The following LHFPL3 variants were observed in gnomAD, a reference collection of about 807,000 sequenced individuals.
LHFPL3 encodes the protein LHFPL tetraspan subfamily member 3 protein.
LHFPL3 carries 5 observed loss-of-function variants against 19.3 expected under a neutral mutation model. The ratio of observed to expected loss-of-function variants is 0.26; its 90% confidence interval spans 0.14 to 0.54. LHFPL3 has a LOEUF of 0.54. Among genes scored for constraint, LHFPL3 ranks in the 20% least tolerant of loss-of-function variants. The pLI, the probability that LHFPL3 is intolerant of heterozygous loss-of-function variation, is 0.94. For synonymous variants in LHFPL3, 133 were observed against 126.2 expected (o/e 1.05, Z -0.36); for missense variants, 249 against 307.4 (o/e 0.81, Z 1.42).
intron 1 of LHFPL3, among the ~76,000 whole-genome samples, chr7:104,358,038 C>T (rs946054473): frequency 1.3e-5 from 2 of 152,172 alleles, no homozygotes; most frequent in African/African-American, 4.8e-5. Context: ...AGGCAATTTA[C>T]AGCAATGGCG....
chr7:104,904,870 T>A (rs1792565761), intron 2 of LHFPL3, among the ~76,000 whole-genome samples: 1 of 152,106 alleles, frequency 6.6e-6, no homozygotes, highest in Admixed American at 6.6e-5. Context: ...CTGTTTGAGG[T>A]CTAGCTGTAT....
intron 1 of LHFPL3, among the ~76,000 whole-genome samples, chr7:104,331,675 C>T (rs560219941): frequency 2.0e-5 from 3 of 152,180 alleles, no homozygotes; most frequent in South Asian, 2.1e-4. Context: ...CTAGGCCGGG[C>T]GCAGTGGCTC....
At chr7:104,484,286 C>T (rs1793195883) in intron 1 of LHFPL3, among the ~76,000 whole-genome samples, 1 of 152,072 alleles carries the variant, frequency 6.6e-6, no homozygotes, top group South Asian at 2.1e-4. Flanking sequence ...GTGACATACT[C>T]AACCCATCAG....
At chr7:104,658,813 C>A (rs1296833897) in intron 1 of LHFPL3, among the ~76,000 whole-genome samples, 1 of 152,126 alleles carries the variant, frequency 6.6e-6, no homozygotes, top group South Asian at 2.1e-4. Flanking sequence ...AAAAACAAGT[C>A]ATCTCCTTGG....
chr7:104,898,870 A>C (rs1463560250), intron 2 of LHFPL3, among the ~76,000 whole-genome samples: 1 of 152,092 alleles, frequency 6.6e-6, no homozygotes, highest in Non-Finnish European at 1.5e-5. Context: ...TAATCTCAGC[A>C]CTTCGGGAGG....
At chr7:104,347,065 A>C (rs1790083614) in intron 1 of LHFPL3, among the ~76,000 whole-genome samples, 1 of 151,722 alleles carries the variant, frequency 6.6e-6, no homozygotes, top group Non-Finnish European at 1.5e-5. Flanking sequence ...ATGAGGATTA[A>C]AAATAGTACC....
chr7:104,397,569 G>A (rs995609983), intron 1 of LHFPL3, among the ~76,000 whole-genome samples: 2 of 152,018 alleles, frequency 1.3e-5, no homozygotes, highest in African/African-American at 2.4e-5. Flanking sequence ...TTTCCCCCGG[G>A]GGACGGCACT....
At chr7:104,371,369 G>A (rs1403821399) in intron 1 of LHFPL3, among the ~76,000 whole-genome samples, 1 of 152,110 alleles carries the variant, frequency 6.6e-6, no homozygotes, top group East Asian at 1.9e-4. Flanking sequence ...TGTTACTTAT[G>A]TTTCTCCTCT....
chr7:104,878,901 A>G (rs1791996312), intron 2 of LHFPL3, among the ~76,000 whole-genome samples: 1 of 152,200 alleles, frequency 6.6e-6, no homozygotes, highest in Admixed American at 6.5e-5. Flanking sequence ...ATCTATCTAG[A>G]CAACTAAAAC....
intron 2 of LHFPL3, among the ~76,000 whole-genome samples, chr7:104,861,293 T>C (rs1382061294): frequency 6.6e-6 from 1 of 152,196 alleles, no homozygotes; most frequent in African/African-American, 2.4e-5. Context: ...GGCTTAGCTC[T>C]TTGGCTTACA....
At chr7:104,758,139 T>C (rs2116363221) in intron 2 of LHFPL3, among the ~76,000 whole-genome samples, 1 of 152,176 alleles carries the variant, frequency 6.6e-6, no homozygotes, top group African/African-American at 2.4e-5. Context: ...CACTTGCAAA[T>C]GAGAGGTATA....
intron 1 of LHFPL3, among the ~76,000 whole-genome samples, chr7:104,365,797 A>AAAGAAAAAAAAG (rs1554381867): frequency 7.9e-6 from 1 of 125,968 alleles, no homozygotes; most frequent in Admixed American, 9.4e-5. Context: ...CAAAAAAAAA[A>AAAGAAAAAAAAG]AAAAAAAAGA....
intron 1 of LHFPL3, among the ~76,000 whole-genome samples, chr7:104,449,002 T>C (rs542400452): frequency 2.0e-5 from 3 of 152,300 alleles, no homozygotes; most frequent in African/African-American, 7.2e-5. Flanking sequence ...GCCTTTCAGA[T>C]TAAAATTAAG....
Position 104,820,876 on chromosome 7 carries a change from C to T in LHFPL3, c.682+83965C>T, listed in dbSNP as rs1584553473. Reference sequence around the variant, plus strand: ...CAACAAACGCCAACACAGTTAACGCCTCATCCAGTTTGTCCTGACATCAAT... The same window carrying T: ...CAACAAACGCCAACACAGTTAACGCTTCATCCAGTTTGTCCTGACATCAAT... On this transcript the variant is annotated intron_variant, in intron 2 of 2. Coordinates refer to ENST00000424859, the MANE Select transcript of LHFPL3 (RefSeq NM_199000.3). Among the ~76,000 whole-genome samples the T allele has an allele frequency of 2.6e-5, 4 of 152,126 alleles. No homozygotes were observed. The South Asian group carries it at 8.3e-4, about 32-fold the overall frequency.
chr7:104,336,916 A>T (rs548614519), intron 1 of LHFPL3, among the ~76,000 whole-genome samples: 8 of 152,298 alleles, frequency 5.3e-5, no homozygotes, highest in African/African-American at 1.9e-4. Context: ...CAACCTAAAT[A>T]ATCAAGGGGG....
rs78086709 is a variant in LHFPL3 at position 104,375,066 on chromosome 7, C to T, written c.445+45842C>T. On this transcript the variant is annotated intron_variant, in intron 1 of 2. Coordinates refer to ENST00000424859, the MANE Select transcript of LHFPL3 (RefSeq NM_199000.3). Reference sequence around the variant, plus strand: ...TAGAAATAATAATACAGGCCAGGCACGGTGGCTTACCCCTGTAATCCCAAC... The same window carrying T: ...TAGAAATAATAATACAGGCCAGGCATGGTGGCTTACCCCTGTAATCCCAAC... 6.7e-3 allele frequency among the ~76,000 whole-genome samples: 1,019 copies of T among 152,278 alleles called. 70 individuals carry two copies. In the East Asian group the frequency reaches 0.16, roughly 24 times the overall value.
At chr7:104,716,215 C>T (rs1473677340) in intron 1 of LHFPL3, among the ~76,000 whole-genome samples, 1 of 152,040 alleles carries the variant, frequency 6.6e-6, no homozygotes, top group East Asian at 1.9e-4. Context: ...GGTGTGATGG[C>T]TTGTGCCTGT....
chr7:104,561,153 G>A (rs1219138664), intron 1 of LHFPL3, among the ~76,000 whole-genome samples: 12 of 152,008 alleles, frequency 7.9e-5, no homozygotes, highest in African/African-American at 2.2e-4. Context: ...AAAAATGTAT[G>A]TTCTGTTGAT....
At chr7:104,734,749 C>T (rs1283458674) in intron 1 of LHFPL3, among the ~76,000 whole-genome samples, 3 of 152,190 alleles carry the variant, frequency 2.0e-5, no homozygotes, top group East Asian at 1.9e-4. Context: ...AGCTTTGTTC[C>T]GTTGCTGGTG....
Sources: gnomAD v4.1 joint callset for allele counts (sites outside exome capture counted in the v4.1 genomes callset) on GRCh38, gnomAD v4.1.1 for gene constraint, MANE v1.5 for transcripts, NCBI Gene and HGNC (gene_info 2026-07-23, HGNC 2026-07-21) for gene names.